The following PGCKA1 variants were observed in gnomAD, a reference collection of about 807,000 sequenced individuals.
The protein encoded by PGCKA1 is PDCD10 and GCKIII kinases associated 1, also known as PDCD10 and GCKIII kinases-associated protein 1.
the PGCKA1 span, among the ~76,000 whole-genome samples, chr4:37,532,543 T>C: frequency 1.1e-3 from 167 of 151,516 alleles, 1 homozygote; most frequent in Non-Finnish European, 1.7e-3. Flanking sequence ...GTAAACTATG[T>C]GGTACACATC....
the PGCKA1 span, among the ~76,000 whole-genome samples, chr4:37,541,283 C>G: frequency 3.3e-5 from 5 of 152,222 alleles, no homozygotes; most frequent in African/African-American, 1.2e-4. Flanking sequence ...CTCCCCACCC[C>G]CAACCTTGTT....
At chr4:37,569,094 C>T in the PGCKA1 span, among the ~76,000 whole-genome samples, 1 of 149,842 alleles carries the variant, frequency 6.7e-6, no homozygotes, top group Admixed American at 6.6e-5. Context: ...GAGACCCTGT[C>T]TCAAAAAAAA....
the PGCKA1 span, among the ~76,000 whole-genome samples, chr4:37,488,119 A>T: frequency 6.6e-6 from 1 of 152,200 alleles, no homozygotes; most frequent in African/African-American, 2.4e-5. Flanking sequence ...GTTGGGCTTA[A>T]ATTTTCTTGG....
chr4:37,559,755 C>T, the PGCKA1 span, among the ~76,000 whole-genome samples: 32 of 152,230 alleles, frequency 2.1e-4, no homozygotes, highest in East Asian at 4.3e-3. Context: ...CTCTTTATTT[C>T]TCTCTGAGTC....
chr4:37,484,586 T>G, the PGCKA1 span, among the ~76,000 whole-genome samples: 1 of 152,234 alleles, frequency 6.6e-6, no homozygotes, highest in Non-Finnish European at 1.5e-5. Context: ...ATCAGCTTCC[T>G]GAGGCCCTCC....
At chr4:37,546,422 G>A in the PGCKA1 span, among the ~76,000 whole-genome samples, 1 of 152,126 alleles carries the variant, frequency 6.6e-6, no homozygotes, top group Non-Finnish European at 1.5e-5. Flanking sequence ...GAAACTCCCT[G>A]CTCTGTTCTG....
At chr4:37,479,687 G>A in the PGCKA1 span, among the ~76,000 whole-genome samples, 1 of 152,214 alleles carries the variant, frequency 6.6e-6, no homozygotes, top group Non-Finnish European at 1.5e-5. Flanking sequence ...TTGATTACAA[G>A]AAGACCTATG....
chr4:37,517,266 T>C, the PGCKA1 span, among the ~76,000 whole-genome samples: 1 of 143,378 alleles, frequency 7.0e-6, no homozygotes, highest in Non-Finnish European at 1.5e-5. Context: ...AATATATATA[T>C]ATAAATATAT....
the PGCKA1 span, among the ~76,000 whole-genome samples, chr4:37,508,683 C>CTTTTTTTTTTTTTTTTTTTTTTTTTT: frequency 7.8e-4 from 66 of 84,766 alleles, 4 homozygotes; most frequent in African/African-American, 2.3e-3. Flanking sequence ...TTTGCTGAAT[C>CTTTTTTTTTTTTTTTTTTTTTTTTTT]TTTTTTTTAG....
the PGCKA1 span, among the ~76,000 whole-genome samples, chr4:37,534,241 T>C: frequency 6.6e-6 from 1 of 152,192 alleles, no homozygotes; most frequent in Non-Finnish European, 1.5e-5. Flanking sequence ...AGATGAACCA[T>C]AATATTTTAG....
At chr4:37,544,401 A>G in the PGCKA1 span, among the ~76,000 whole-genome samples, 2 of 151,652 alleles carry the variant, frequency 1.3e-5, no homozygotes, top group Admixed American at 1.3e-4. Context: ...ATTACGTAAA[A>G]TTTTCTCAAA....
chr4:37,467,814 A>T, the PGCKA1 span, among the ~76,000 whole-genome samples: 2 of 152,248 alleles, frequency 1.3e-5, no homozygotes, highest in Non-Finnish European at 2.9e-5. Context: ...GTCAGTGTCC[A>T]GTATCACGTT....
chr4:37,570,429 CAAAAAAAA>C, the PGCKA1 span, among the ~76,000 whole-genome samples: 4 of 117,556 alleles, frequency 3.4e-5, no homozygotes, highest in Non-Finnish European at 5.1e-5. Context: ...ATGTTTCTGC[CAAAAAAAA>C]AAAAAAAAAA....
chr4:37,491,767 T>C, the PGCKA1 span, among the ~76,000 whole-genome samples: 1 of 152,126 alleles, frequency 6.6e-6, no homozygotes, highest in African/African-American at 2.4e-5. Context: ...CTTCTGTGGG[T>C]TTTTATTTTG....
chr4:37,495,417 A>G, the PGCKA1 span, among the ~76,000 whole-genome samples: 4 of 152,146 alleles, frequency 2.6e-5, no homozygotes, highest in Admixed American at 2.0e-4. Context: ...CATTCTATAA[A>G]TACACATGCA....
At chr4:37,490,486 C>T in the PGCKA1 span, among the ~76,000 whole-genome samples, 17 of 152,122 alleles carry the variant, frequency 1.1e-4, no homozygotes, top group African/African-American at 3.1e-4. Flanking sequence ...CGTCTACCCG[C>T]GTTTGTAGTA....
At chr4:37,498,777 A>T in the PGCKA1 span, among the ~76,000 whole-genome samples, 1 of 152,232 alleles carries the variant, frequency 6.6e-6, no homozygotes, top group Non-Finnish European at 1.5e-5. Context: ...ATTTGCAAAC[A>T]GGGATAGTTT....
chr4:37,569,025 A>G, the PGCKA1 span, among the ~76,000 whole-genome samples: 142 of 151,314 alleles, frequency 9.4e-4, no homozygotes, highest in African/African-American at 3.2e-3. Flanking sequence ...TGAGCCTGGG[A>G]GGCAGAGGTT....
chr4:37,565,176 G>T, the PGCKA1 span, among the ~76,000 whole-genome samples: 1 of 152,128 alleles, frequency 6.6e-6, no homozygotes, highest in African/African-American at 2.4e-5. Flanking sequence ...CAAGCTACTG[G>T]CAGAACTTGA....
Sources: allele counts gnomAD v4.1 joint callset (sites outside exome capture counted in the v4.1 genomes callset), GRCh38; gene constraint gnomAD v4.1.1; transcripts MANE v1.5; gene names NCBI Gene and HGNC (gene_info 2026-07-23, HGNC 2026-07-21).